Variants in FAM83B observed in about 807,000 individuals in gnomAD.
FAM83B encodes protein FAM83B.
FAM83B carries 26 observed loss-of-function variants against 38.8 expected under a neutral mutation model. The observed-to-expected ratio is 0.67, with a 90% CI of 0.49 to 0.93. FAM83B has a LOEUF of 0.93. Among genes scored for constraint, FAM83B ranks in the 40% least tolerant of loss-of-function variants. The pLI is 0.00. For synonymous variants in FAM83B, 419 were observed against 423.1 expected, an observed-to-expected ratio of 0.99 and a Z score of 0.12; for missense variants, 1,237 against 1,197.3, an observed-to-expected ratio of 1.03 and a Z score of -0.49.
chr6:54,931,682 T>C (rs1278856537), intron 4 of FAM83B, among the ~76,000 whole-genome samples: 1 of 152,152 alleles, frequency 6.6e-6, no homozygotes, highest in Non-Finnish European at 1.5e-5. Context: ...TTTTAGCTTA[T>C]GTATGTCCTT....
At chr6:54,895,250 T>C (rs748973567) in intron 2 of FAM83B, among the ~76,000 whole-genome samples, 2 of 152,244 alleles carry the variant, frequency 1.3e-5, no homozygotes, top group Non-Finnish European at 2.9e-5. Context: ...CTATTGAGTA[T>C]GAAGAGAACA....
At chr6:54,883,889 G>C (rs569919768) in intron 2 of FAM83B, among the ~76,000 whole-genome samples, 6 of 151,864 alleles carry the variant, frequency 4.0e-5, no homozygotes, top group South Asian at 4.1e-4. Context: ...AATACTTGCA[G>C]CTGAGTGCAG....
rs533650953 is a variant in FAM83B at position 54,940,839 on chromosome 6, C to G, written c.1868C>G (p.Ala623Gly). ...TLQVPENHSV[A>G]LNQTTNGHTE... ...CAGGTTCCTGAAAACCACTCAGTAG[C>G]CTTAAACCAAACTACAAATGGCCAT... The change falls in exon 5 of 5, where the codon GCC becomes GGC. Residue 623 changes from alanine (A) to glycine (G), a missense_variant. Physicochemically the swap from Ala to Gly is moderately conservative, Grantham distance 60 (BLOSUM62 0). Transcript: ENST00000306858. The G allele has an allele frequency of 1.8e-5, 29 of 1,613,876 alleles. No homozygotes were observed. In the African/African-American group the frequency reaches 2.3e-4, roughly 13 times the overall value.
chr6:54,850,249 T>A (rs71560870), intron 1 of FAM83B, among the ~76,000 whole-genome samples: 18 of 152,332 alleles, frequency 1.2e-4, no homozygotes, highest in African/African-American at 4.1e-4. Context: ...GGGATAGTCA[T>A]GTTTTTTGAC....
At chr6:54,870,124 A>G (rs1297949999) in intron 1 of FAM83B, 63 bp from the exon 2 acceptor site, 8 of 702,454 alleles carry the variant, frequency 1.1e-5, no homozygotes, top group Middle Eastern at 2.5e-4. Flanking sequence ...GTTGATATGT[A>G]TCATAAAACA....
At chr6:54,919,523 T>C in intron 2 of FAM83B, among the ~76,000 whole-genome samples, 1 of 152,106 alleles carries the variant, frequency 6.6e-6, no homozygotes, top group Non-Finnish European at 1.5e-5. Flanking sequence ...ACCAAGCAAG[T>C]ACAATGTATG....
At chr6:54,853,123 A>G (rs1337087462) in intron 1 of FAM83B, among the ~76,000 whole-genome samples, 1 of 152,186 alleles carries the variant, frequency 6.6e-6, no homozygotes, top group Non-Finnish European at 1.5e-5. Context: ...CAATTCTGTG[A>G]AGGCTGAGAG....
chr6:54,891,618 T>C (rs1772404777), intron 2 of FAM83B, among the ~76,000 whole-genome samples: 1 of 152,168 alleles, frequency 6.6e-6, no homozygotes. Flanking sequence ...TGTGGCCCAC[T>C]GGCCTATCAA....
At chr6:54,876,914 G>A (rs990072170) in intron 2 of FAM83B, among the ~76,000 whole-genome samples, 41 of 152,036 alleles carry the variant, frequency 2.7e-4, no homozygotes, top group Admixed American at 9.2e-4. Flanking sequence ...CCTGTCTCTG[G>A]TTTAAAATAA....
At chr6:54,849,855 T>G (rs1771231106) in intron 1 of FAM83B, among the ~76,000 whole-genome samples, 1 of 152,046 alleles carries the variant, frequency 6.6e-6, no homozygotes, top group African/African-American at 2.4e-5. Flanking sequence ...GGTCAGCCTC[T>G]CTTGCATACT....
intron 2 of FAM83B, among the ~76,000 whole-genome samples, chr6:54,908,705 T>C (rs1772831841): frequency 6.6e-6 from 1 of 152,176 alleles, no homozygotes; most frequent in South Asian, 2.1e-4. Flanking sequence ...GCCAGAAGTT[T>C]GAGGCAGGAT....
At chr6:54,853,778 C>G (rs1298804428) in intron 1 of FAM83B, among the ~76,000 whole-genome samples, 1 of 152,152 alleles carries the variant, frequency 6.6e-6, no homozygotes, top group Non-Finnish European at 1.5e-5. Context: ...CAAGAAGTGA[C>G]TTTGACTTTT....
chr6:54,884,646 A>T (rs1581900263), intron 2 of FAM83B, among the ~76,000 whole-genome samples: 1 of 152,154 alleles, frequency 6.6e-6, no homozygotes, highest in Non-Finnish European at 1.5e-5. Context: ...AACTCAAGTG[A>T]CCACTTACAT....
rs1215214153 is a variant in FAM83B at position 54,939,882 on chromosome 6, G to T, written c.911G>T (p.Gly304Val). Residue 304 changes from glycine to valine, a missense_variant, in exon 5 of 5, where the codon GGC (glycine) becomes GTC (valine). Gly to Val is a moderately radical substitution (Grantham distance 109, BLOSUM62 -3). Transcript: ENST00000306858. ...VKHGKALWENGTYQHSVSSLA... is the reference protein window; with the variant it reads ...VKHGKALWENVTYQHSVSSLA... ...CATGGAAAAGCCCTCTGGGAAAATG[G>T]CACTTACCAGCATTCGGTGTCTTCA... is the stretch of plus-strand genomic sequence containing the variant. The T allele has an allele frequency of 1.9e-6, 3 of 1,613,976 alleles. No homozygotes were observed. The highest frequency in any genetic ancestry group is 2.5e-6 in the Non-Finnish European group (3 of 1,179,968).
intron 1 of FAM83B, among the ~76,000 whole-genome samples, chr6:54,859,345 C>A (rs1378790710): frequency 1.3e-5 from 2 of 152,204 alleles, no homozygotes; most frequent in Non-Finnish European, 2.9e-5. Flanking sequence ...CCAGCATGAG[C>A]CACTGCACCC....
chr6:54,853,241 G>A (rs758050736), intron 1 of FAM83B, among the ~76,000 whole-genome samples: 2 of 152,242 alleles, frequency 1.3e-5, no homozygotes, highest in East Asian at 3.8e-4. Context: ...GAAGCAGCAA[G>A]TGCTCATGAA....
rs1036847970 is a variant in FAM83B at position 54,940,730 on chromosome 6, G to A, written c.1759G>A (p.Val587Ile). ...PKEVPDTPTN[V>I]QHLTDKPLPE... is the part of the protein sequence containing the mutation. ...AGAGGTCCCAGACACCCCTACGAAT[G>A]TACAGCATTTGACAGACAAACCCTT... is the stretch of plus-strand genomic sequence containing the variant. The change falls in exon 5 of 5, where the codon GTA becomes ATA. Residue 587 changes from valine (V) to isoleucine (I), a missense_variant. Coordinates refer to ENST00000306858, the MANE Select transcript of FAM83B (RefSeq NM_001010872.3). The A allele has an allele frequency of 2.5e-6, 4 of 1,613,902 alleles. No individual in the cohort carries two copies. Among genetic ancestry groups the A allele is most frequent in the East Asian group, 2.2e-5 (1 of 44,868 alleles).
Position 54,870,237 on chromosome 6 carries a change from A to G in FAM83B, c.-10A>G. ...ACATTTGAAAGTGCCATAGCCAAAC[A>G]CTTGCAAGCATGGAGACCTCATCAA... On this transcript the variant is annotated 5_prime_UTR_variant, in exon 2 of 5. Transcript: ENST00000306858. 2 of 1,604,738 alleles carry G rather than the reference A, an allele frequency of 1.2e-6. No individual in the cohort carries two copies. The highest frequency in any genetic ancestry group is 4.5e-5 in the East Asian group (2 of 44,680).
intron 2 of FAM83B, among the ~76,000 whole-genome samples, chr6:54,922,346 A>C (rs1225329284): frequency 6.6e-6 from 1 of 152,062 alleles, no homozygotes; most frequent in South Asian, 2.1e-4. Context: ...TGATTAAAAA[A>C]ATTAGTGCCA....
Sources: allele counts gnomAD v4.1 joint callset (sites outside exome capture counted in the v4.1 genomes callset), GRCh38; gene constraint gnomAD v4.1.1; transcripts MANE v1.5; gene names NCBI Gene and HGNC (gene_info 2026-07-23, HGNC 2026-07-21).